The following TP53BP1 variants were observed in gnomAD, a reference collection of about 807,000 sequenced individuals.
The protein encoded by TP53BP1 is TP53-binding protein 1.
TP53BP1 carries 61 observed loss-of-function variants against 200.8 expected under a neutral mutation model. The ratio of observed to expected loss-of-function variants is 0.30; its 90% CI spans 0.25 to 0.38. The LOEUF (loss-of-function observed/expected upper bound fraction) is 0.38. Among genes scored for constraint, TP53BP1 ranks in the 10% least tolerant of loss-of-function variants. The probability of loss-of-function intolerance (pLI) is 1.00; values close to 1 mark genes in which losing one functional copy is unlikely to be tolerated. For synonymous variants in TP53BP1, 822 were observed against 844.3 expected (o/e 0.97, Z 0.46); for missense variants, 2,144 against 2,371.9 (o/e 0.90, Z 2.00).
In TP53BP1 at chr15:43,408,002, A is replaced by C; in HGVS notation, c.5687T>G (p.Ile1896Ser). ...AGAGGCTGCACCACCAGTCATGAGG[A>C]TCTCAGACCAGAGCTCCAGGAAGTT... The part of the protein sequence containing the change: ...QQNFLELWSE[I>S]LMTGGAASVK... The change falls in exon 27 of 28, where the codon ATC (isoleucine) becomes AGC (serine). Residue 1896 changes from isoleucine (I) to serine (S), a missense_variant. Ile to Ser is a moderately radical substitution (Grantham distance 142). Coordinates refer to ENST00000382044, the MANE Select transcript of TP53BP1 (RefSeq NM_001141980.3). 6.2e-7 allele frequency: 1 copy of C among 1,614,106 alleles called. No individual in the cohort carries two copies. Among genetic ancestry groups the C allele is most frequent in the Non-Finnish European group, 8.5e-7 (1 of 1,180,014 alleles).
At chr15:43,469,585 A>G (rs2046672999) in intron 11 of TP53BP1, among the ~76,000 whole-genome samples, 1 of 152,220 alleles carries the variant, frequency 6.6e-6, no homozygotes, top group Non-Finnish European at 1.5e-5. Context: ...TAGAATAATG[A>G]TTTATGTCAC....
chr15:43,495,372 G>A (rs1290435106), upstream of TP53BP1, among the ~76,000 whole-genome samples: 1 of 151,544 alleles, frequency 6.6e-6, no homozygotes, highest in African/African-American at 2.4e-5. Context: ...GGTGGTGGGC[G>A]CCTGTAGTCC....
At chr15:43,473,971 G>A (rs2046789013) in intron 10 of TP53BP1, among the ~76,000 whole-genome samples, 1 of 152,226 alleles carries the variant, frequency 6.6e-6, no homozygotes, top group Non-Finnish European at 1.5e-5. Context: ...CCACGGAGGG[G>A]GTGGAAGGCT....
rs2045175256 is a variant in TP53BP1 at position 43,413,285 on chromosome 15, G to A, written c.5139C>T (p.Asn1713=). The A allele has an allele frequency of 6.2e-7, 1 of 1,614,144 alleles. No individual in the cohort carries two copies. The highest frequency in any genetic ancestry group is 8.5e-7 in the Non-Finnish European group (1 of 1,180,028). ...CTTCCAGGGCAGAGGGTTCACCGGT[G>A]TTGTCTCCACTCTCACAGGGGCTCA... ...EFVSPCESGD[N]TGEPSALEEQ... Residue 1713 remains asparagine, a synonymous_variant, in exon 24 of 28, where the codon AAC becomes AAT. Coordinates refer to ENST00000382044, the MANE Select transcript of TP53BP1 (RefSeq NM_001141980.3).
chr15:43,432,226 G>A lies in TP53BP1; in HGVS notation c.3643C>T (p.Pro1215Ser), dbSNP rs1789080847. ...TGGAGCGACTCTGTATCATCCCCAGGAGCACTGACTGGTTTCTCACCACTC... is the reference window on the plus strand; with the variant it reads ...TGGAGCGACTCTGTATCATCCCCAGAAGCACTGACTGGTTTCTCACCACTC... The part of the protein sequence containing the change: ...RGSGEKPVSA[P>S]GDDTESLHSQ... Residue 1215 changes from proline to serine, a missense_variant, in exon 17 of 28, where the codon CCT becomes TCT. Pro to Ser is a moderately conservative substitution (Grantham distance 74). This residue lies in a region of TP53BP1 where 1,700 missense variants were observed against 1,710.3 expected (regional missense o/e 0.99). Transcript: ENST00000382044. The A allele has an allele frequency of 6.2e-7, 1 of 1,613,950 alleles. No homozygotes were observed. Among genetic ancestry groups the A allele is most frequent in the Non-Finnish European group, 8.5e-7 (1 of 1,180,010 alleles).
In TP53BP1 at chr15:43,404,628, A is replaced by T. The variant is rs1486565236; in HGVS notation, c.*2755T>A. The T allele has an allele frequency of 1.3e-6, 2 of 1,508,892 alleles. No individual in the cohort carries two copies. Among genetic ancestry groups the T allele is most frequent in the African/African-American group, 1.4e-5 (1 of 72,170 alleles). 93.5% of individuals were successfully genotyped at this position (1,508,892 alleles called of 1,614,324 possible). On this transcript the variant is annotated 3_prime_UTR_variant, in exon 28 of 28. Coordinates refer to ENST00000382044, the MANE Select transcript of TP53BP1 (RefSeq NM_001141980.3). ...ATGAGTTGTAGAATTCTAGAACTGG[A>T]AGAAGACTTTAGTCCAAATACCCTC...
In TP53BP1 at chr15:43,432,558, G is replaced by C; in HGVS notation, c.3311C>G (p.Pro1104Arg). ...CATCTTCTGGGAAGCAGGAGAAACA[G>C]GGTCCTTGACAGGACTAATGGGCTT... ...PMKPISPVKD[P>R]VSPASQKMVI... Residue 1104 changes from proline to arginine, a missense_variant, in exon 17 of 28, where the codon CCT becomes CGT. This residue lies in a region of TP53BP1 where 1,700 missense variants were observed against 1,710.3 expected (regional missense o/e 0.99). Transcript: ENST00000382044. 4 of 1,614,168 alleles carry C rather than the reference G, an allele frequency of 2.5e-6. No individual in the cohort carries two copies. Among genetic ancestry groups the C allele is most frequent in the Non-Finnish European group, 3.4e-6 (4 of 1,180,024 alleles).
At chr15:43,465,266 T>C (rs1189890295) in intron 11 of TP53BP1, among the ~76,000 whole-genome samples, 1 of 152,088 alleles carries the variant, frequency 6.6e-6, no homozygotes, top group African/African-American at 2.4e-5. Flanking sequence ...CTAAAGGGCA[T>C]GGGTTTTGAG....
At chr15:43,506,798 G>A (rs1017600377) in intron 1 of TP53BP1, among the ~76,000 whole-genome samples, 7 of 152,162 alleles carry the variant, frequency 4.6e-5, no homozygotes, top group African/African-American at 1.7e-4. Context: ...ATCCCCTTGA[G>A]GCAGGAGAAT....
intron 17 of TP53BP1, among the ~76,000 whole-genome samples, chr15:43,431,282 A>C (rs2045662835): frequency 6.6e-6 from 1 of 152,160 alleles, no homozygotes; most frequent in Non-Finnish European, 1.5e-5. Flanking sequence ...ACCACTGATA[A>C]GCAGAGACTA....
chr15:43,484,605 C>T (rs1379817222), intron 4 of TP53BP1, among the ~76,000 whole-genome samples: 2 of 152,206 alleles, frequency 1.3e-5, no homozygotes, highest in Non-Finnish European at 2.9e-5. Context: ...TCTCACTTCT[C>T]TTAGTCACTC....
chr15:43,442,912 G>A (rs2444247), intron 14 of TP53BP1, among the ~76,000 whole-genome samples: 40,986 of 136,274 alleles, frequency 0.3, 9,697 homozygotes, highest in African/African-American at 0.66. Flanking sequence ...TGCAACCTCC[G>A]CCTCTCGGGT....
At chr15:43,488,530 T>A (rs113027045) in intron 4 of TP53BP1, among the ~76,000 whole-genome samples, 91 of 152,230 alleles carry the variant, frequency 6.0e-4, no homozygotes, top group African/African-American at 2.1e-3. Flanking sequence ...GTGATAAAAC[T>A]ATGTAAAACT....
intron 4 of TP53BP1, among the ~76,000 whole-genome samples, chr15:43,485,728 A>T (rs915275942): frequency 2.0e-5 from 3 of 151,818 alleles, no homozygotes; most frequent in Admixed American, 1.3e-4. Context: ...CTGTAATCCC[A>T]GCTACTCAGG....
At chr15:43,454,142 T>A (rs947211749) in intron 12 of TP53BP1, among the ~76,000 whole-genome samples, 32 of 150,388 alleles carry the variant, frequency 2.1e-4, no homozygotes, top group Non-Finnish European at 2.4e-4. Context: ...GAGGCAGAGG[T>A]TGCAGTGAGC....
intron 4 of TP53BP1, among the ~76,000 whole-genome samples, chr15:43,488,231 G>A (rs946097360): frequency 7.9e-5 from 12 of 152,000 alleles, no homozygotes; most frequent in African/African-American, 2.7e-4. Context: ...CCCAGGAGGT[G>A]GAGGCTGCAC....
At chr15:43,443,895 A>C (rs1308575363) in intron 14 of TP53BP1, among the ~76,000 whole-genome samples, 1 of 152,252 alleles carries the variant, frequency 6.6e-6, no homozygotes, top group African/African-American at 2.4e-5. Context: ...TAAAATATTC[A>C]TGACCCAACA....
intron 1 of TP53BP1, among the ~76,000 whole-genome samples, chr15:43,501,761 G>A (rs2140177932): frequency 6.6e-6 from 1 of 152,270 alleles, no homozygotes; most frequent in South Asian, 2.1e-4. Flanking sequence ...CATTTTGCAT[G>A]TTGCTGCATG....
At chr15:43,414,962 C>T (rs2045226269) in intron 23 of TP53BP1, among the ~76,000 whole-genome samples, 2 of 152,072 alleles carry the variant, frequency 1.3e-5, no homozygotes. Context: ...CCAACCTCGG[C>T]CTCCCAAAGT....
Sources: allele counts gnomAD v4.1 joint callset (sites outside exome capture counted in the v4.1 genomes callset), GRCh38; gene constraint gnomAD v4.1.1; regional missense constraint gnomAD v4.1.1; transcripts MANE v1.5; gene names NCBI Gene and HGNC (gene_info 2026-07-23, HGNC 2026-07-21).